ATP1B1: variants seen among roughly 807,000 people sequenced by gnomAD.
The protein encoded by ATP1B1 is ATPase Na+/K+ transporting subunit beta 1.
A neutral mutation model predicts 39.6 loss-of-function variants in ATP1B1; 3 were observed. The ratio of observed to expected loss-of-function variants is 0.08; its 90% CI spans 0.03 to 0.20. ATP1B1 has a LOEUF of 0.20. ATP1B1 is among the 10% of genes least tolerant of loss of function. The probability of loss-of-function intolerance (pLI) is 1.00; values close to 1 mark genes in which losing one functional copy is unlikely to be tolerated. For missense variants in ATP1B1, 216 were observed against 371.1 expected, an observed-to-expected ratio of 0.58 and a Z score of 3.43; for synonymous variants, 139 against 135.0, an observed-to-expected ratio of 1.03 and a Z score of -0.20.
At chr1:169,116,702 TTAGC>T (rs2101781078) in intron 2 of ATP1B1, among the ~76,000 whole-genome samples, 1 of 151,946 alleles carries the variant, frequency 6.6e-6, no homozygotes, top group Non-Finnish European at 1.5e-5. Flanking sequence ...AATACAAAAC[TTAGC>T]TAGGCGTGAT....
At chr1:169,109,731 G>A (rs1434492497) in intron 1 of ATP1B1, among the ~76,000 whole-genome samples, 1 of 150,862 alleles carries the variant, frequency 6.6e-6, no homozygotes, top group Non-Finnish European at 1.5e-5. Flanking sequence ...TCAGTTGTTC[G>A]AAGGGGCACA....
At chr1:169,110,561 T>G in intron 1 of ATP1B1, 2 of 983,030 alleles carry the variant, frequency 2.0e-6, no homozygotes, top group Non-Finnish European at 2.7e-6. Flanking sequence ...CATCTATGTG[T>G]TGAGTCTTTT....
rs1222627948 is a variant in ATP1B1 at position 169,132,041 on chromosome 1, T to G, written c.*486T>G. ...GTAATTTTTTTTTTTTTTTTTTTTT[T>G]GTTTTTTGGCTCTTTCAAAGGTAAT... On this transcript the variant is annotated 3_prime_UTR_variant, in exon 6 of 6. Coordinates refer to ENST00000367815, the MANE Select transcript of ATP1B1 (RefSeq NM_001677.4). The G allele has an allele frequency of 2.8e-5, 7 of 248,106 alleles. No individual in the cohort carries two copies. The highest frequency in any genetic ancestry group is 5.2e-5 in the Admixed American group (1 of 19,228). 15.4% of individuals were successfully genotyped at this position (248,106 alleles called of 1,614,324 possible).
chr1:169,125,010 G>A lies in ATP1B1; in HGVS notation c.353G>A (p.Arg118Lys). The change falls in exon 3 of 6, where the codon AGG (arginine) becomes AAG (lysine). Residue 118 changes from arginine to lysine, a missense_variant. Transcript: ENST00000367815. The part of the protein sequence containing the change: ...FLEKYKDSAQ[R>K]DDMIFEDCGD... The stretch of plus-strand genomic sequence containing the variant: ...GAAAAGTACAAAGATTCAGCCCAGA[G>A]GGATGACATGATTTTTGAAGATTGT... 1 of 1,613,074 alleles carries A rather than the reference G, an allele frequency of 6.2e-7. No homozygotes were observed. Among genetic ancestry groups the A allele is most frequent in the Non-Finnish European group, 8.5e-7 (1 of 1,179,690 alleles).
Position 169,131,866 on chromosome 1 carries a change from C to T in ATP1B1, c.*311C>T, listed in dbSNP as rs1277597427. 6 of 377,606 alleles carry T rather than the reference C, an allele frequency of 1.6e-5. No homozygotes were observed. The highest frequency in any genetic ancestry group is 2.9e-5 in the Non-Finnish European group (6 of 208,746). 23.4% of individuals were successfully genotyped at this position (377,606 alleles called of 1,614,324 possible). A position where few individuals can be genotyped will look rare whatever the true frequency, so the allele number is the denominator to read the frequency against. Reference sequence around the variant, plus strand: ...CAGTGTTTCTGGCCCCTAAGTATTGCTGCCTTGTGTATTTTATTTAGTGTA... The same window carrying T: ...CAGTGTTTCTGGCCCCTAAGTATTGTTGCCTTGTGTATTTTATTTAGTGTA... On this transcript the variant is annotated 3_prime_UTR_variant, in exon 6 of 6. Coordinates refer to ENST00000367815, the MANE Select transcript of ATP1B1 (RefSeq NM_001677.4). The surrounding 1 kb of genome is among the most constrained non-coding windows in gnomAD (Gnocchi z 4.4).
At chr1:169,110,567 C>CTTTTTTTTTTTTTTTTTTTTTTTT in intron 1 of ATP1B1, 1 of 433,888 alleles carries the variant, frequency 2.3e-6, no homozygotes. Context: ...TGTGTTGAGT[C>CTTTTTTTTTTTTTTTTTTTTTTTT]TTTTTTTTTT....
intron 2 of ATP1B1, among the ~76,000 whole-genome samples, chr1:169,117,405 T>C (rs535748372): frequency 1.3e-5 from 2 of 152,352 alleles, no homozygotes; most frequent in African/African-American, 2.4e-5. Context: ...AGGGTACAAC[T>C]AGTAAGTCAT....
At chr1:169,108,994 T>TGGATGCCCTTGGGGCGAGGGCA (rs1215186345) in intron 1 of ATP1B1, among the ~76,000 whole-genome samples, 5 of 152,172 alleles carry the variant, frequency 3.3e-5, no homozygotes, top group South Asian at 2.1e-4. Context: ...GGGCCCAACA[T>TGGATGCCCTTGGGGCGAGGGCA]GGATGCCCTT....
intron 2 of ATP1B1, among the ~76,000 whole-genome samples, chr1:169,122,974 T>G (rs1658011804): frequency 6.6e-6 from 1 of 152,142 alleles, no homozygotes; most frequent in Non-Finnish European, 1.5e-5. Context: ...TTCCTCTCTA[T>G]CCCTTCCATT....
At chr1:169,112,157 T>C (rs1427632443) in intron 2 of ATP1B1, among the ~76,000 whole-genome samples, 1 of 152,236 alleles carries the variant, frequency 6.6e-6, no homozygotes, top group African/African-American at 2.4e-5. Flanking sequence ...CTTTGTAGTT[T>C]AATTAACTGT....
At chr1:169,111,233 C>T (rs1657722072) in intron 1 of ATP1B1, 137 bp from the exon 2 acceptor site, 1 of 1,178,848 alleles carries the variant, frequency 8.5e-7, no homozygotes, top group Admixed American at 2.1e-5. Context: ...GGGTGAGGTG[C>T]ACTCTTGACG....
chr1:169,121,743 A>G (rs1363630778), intron 2 of ATP1B1, among the ~76,000 whole-genome samples: 3 of 152,194 alleles, frequency 2.0e-5, no homozygotes, highest in African/African-American at 4.8e-5. Flanking sequence ...TACTCTCAAC[A>G]TGACCTTCTA....
At chr1:169,121,448 A>C (rs914695207) in intron 2 of ATP1B1, among the ~76,000 whole-genome samples, 2 of 152,162 alleles carry the variant, frequency 1.3e-5, no homozygotes, top group African/African-American at 2.4e-5. Context: ...GGTCACTTTT[A>C]ATAGTGGAAA....
chr1:169,111,743 G>T (rs780124476), intron 2 of ATP1B1, among the ~76,000 whole-genome samples: 1 of 152,140 alleles, frequency 6.6e-6, no homozygotes, highest in Non-Finnish European at 1.5e-5. Flanking sequence ...CTGGTTCTTG[G>T]CCAGCCTGCT....
Position 169,130,061 on chromosome 1 carries a change from A to C in ATP1B1, c.619A>C (p.Asn207His), listed in dbSNP as rs1301500514. The C allele has an allele frequency of 1.2e-6, 2 of 1,614,090 alleles. No individual in the cohort carries two copies. Among genetic ancestry groups the C allele is most frequent in the African/African-American group, 2.7e-5 (2 of 75,052 alleles). ...ETYPVMKYNPNVLPVQCTGKR... is the reference protein window; with the variant it reads ...ETYPVMKYNPHVLPVQCTGKR... ...TTACCCAGTGATGAAGTATAACCCA[A>C]ATGTCCTTCCCGTTCAGTGCACTGG... Residue 207 changes from asparagine to histidine, a missense_variant, in exon 5 of 6, where the codon AAT (asparagine) becomes CAT (histidine). By Grantham distance (68) the Asn-to-His change is moderately conservative. Coordinates refer to ENST00000367815, the MANE Select transcript of ATP1B1 (RefSeq NM_001677.4).
chr1:169,125,153 T>TGAAC (rs1658060624), intron 3 of ATP1B1, 114 bp downstream of exon 3: 1 of 1,347,264 alleles, frequency 7.4e-7, no homozygotes, highest in Non-Finnish European at 1.0e-6. Flanking sequence ...AATGAAAGAT[T>TGAAC]GAACTCTGGC....
chr1:169,121,840 G>A (rs548783048), intron 2 of ATP1B1, among the ~76,000 whole-genome samples: 58 of 152,114 alleles, frequency 3.8e-4, no homozygotes, highest in African/African-American at 1.2e-3. Context: ...GCTGCATCCC[G>A]CCCTCTGCTG....
chr1:169,118,685 G>C (rs139087041), intron 2 of ATP1B1, among the ~76,000 whole-genome samples: 1 of 152,150 alleles, frequency 6.6e-6, no homozygotes. Context: ...GTACATATAC[G>C]TGTGAGTATG....
rs1264131855 is a variant in ATP1B1 at position 169,132,123 on chromosome 1, C to CTTTA, written c.*572_*575dup. ...ATAGTCTTTTCCTGTGGTGTTAGGTCTTTATTTTTATTTTTTTCCTGGGGG... is the reference window on the plus strand; with the variant it reads ...ATAGTCTTTTCCTGTGGTGTTAGGTCTTTATTTATTTTTATTTTTTTCCTGGGGG... On this transcript the variant is annotated 3_prime_UTR_variant, in exon 6 of 6. Coordinates refer to ENST00000367815, the MANE Select transcript of ATP1B1 (RefSeq NM_001677.4). 3 of 374,884 alleles carry CTTTA rather than the reference C, an allele frequency of 8.0e-6. No homozygotes were observed. The highest frequency in any genetic ancestry group is 3.0e-5 in the African/African-American group (1 of 33,852). The allele number at this position is 374,884 out of a possible 1,614,324, so 23.2% of individuals were successfully genotyped here.
Sources: allele counts gnomAD v4.1 joint callset (sites outside exome capture counted in the v4.1 genomes callset), GRCh38; gene constraint gnomAD v4.1.1; non-coding constraint Gnocchi (gnomAD v3.1); transcripts MANE v1.5; gene names NCBI Gene and HGNC (gene_info 2026-07-23, HGNC 2026-07-21).